LINGO2: variants seen among roughly 807,000 people sequenced by gnomAD.
LINGO2 encodes the protein leucine-rich repeat and immunoglobulin-like domain-containing nogo receptor-interacting protein 2.
Under a neutral mutation model 30.6 loss-of-function variants are expected in LINGO2, and 14 were observed. The ratio of observed to expected loss-of-function variants is 0.46; its 90% CI spans 0.30 to 0.72. The LOEUF is 0.72. LINGO2 is among the 30% of genes least tolerant of loss of function. LINGO2 has a pLI of 0.07. For synonymous variants in LINGO2, 317 were observed against 288.5 expected (o/e 1.10, Z -1.00); for missense variants, 729 against 751.7 (o/e 0.97, Z 0.35).
chr9:28,617,031 G>C (rs755555344), intron 1 of LINGO2, among the ~76,000 whole-genome samples: 11 of 152,016 alleles, frequency 7.2e-5, no homozygotes, highest in Non-Finnish European at 1.5e-4. Flanking sequence ...TGGCAACAAA[G>C]TATTTATAAA....
chr9:28,737,516 T>C, the LINGO2 span, among the ~76,000 whole-genome samples: 1 of 152,254 alleles, frequency 6.6e-6, no homozygotes, highest in East Asian at 1.9e-4. Flanking sequence ...GATGAAGAAA[T>C]TGACATACAG....
the LINGO2 span, among the ~76,000 whole-genome samples, chr9:29,121,808 T>A: frequency 6.6e-6 from 1 of 152,044 alleles, no homozygotes; most frequent in Non-Finnish European, 1.5e-5. Context: ...TGATCCTTGA[T>A]TTTATGTGTG....
the LINGO2 span, among the ~76,000 whole-genome samples, chr9:28,898,913 G>A: frequency 6.6e-6 from 1 of 151,802 alleles, no homozygotes; most frequent in Non-Finnish European, 1.5e-5. Context: ...ATGTATCCCT[G>A]AACCTAAAAT....
intron 2 of LINGO2, among the ~76,000 whole-genome samples, chr9:28,465,611 TATCAATATCA>T (rs2135143048): frequency 6.6e-6 from 1 of 152,222 alleles, no homozygotes; most frequent in South Asian, 2.1e-4. Context: ...TTCCTGTTCA[TATCAATATCA>T]AGTTAAAAAG....
the LINGO2 span, among the ~76,000 whole-genome samples, chr9:28,809,253 GA>G: frequency 2.0e-5 from 3 of 152,202 alleles, no homozygotes; most frequent in African/African-American, 7.2e-5. Context: ...TTATGCCACT[GA>G]TAGAAGGAAC....
intron 1 of LINGO2, among the ~76,000 whole-genome samples, chr9:28,570,335 T>A (rs1823622849): frequency 6.6e-6 from 1 of 151,902 alleles, no homozygotes; most frequent in Non-Finnish European, 1.5e-5. Flanking sequence ...CTCAAATATA[T>A]TAATAAAGAA....
chr9:28,055,863 G>A (rs987293449), intron 4 of LINGO2, among the ~76,000 whole-genome samples: 1 of 152,060 alleles, frequency 6.6e-6, no homozygotes, highest in African/African-American at 2.4e-5. Flanking sequence ...CTTTGGTTTC[G>A]AAGGAGGCAT....
intron 1 of LINGO2, among the ~76,000 whole-genome samples, chr9:28,477,419 AC>A (rs1385461789): frequency 2.0e-5 from 3 of 152,142 alleles, no homozygotes; most frequent in Non-Finnish European, 4.4e-5. Flanking sequence ...TAGGATTTGA[AC>A]TTTTTCAGAA....
intron 1 of LINGO2, among the ~76,000 whole-genome samples, chr9:28,482,739 T>C (rs937763618): frequency 3.9e-5 from 6 of 152,212 alleles, no homozygotes; most frequent in South Asian, 2.1e-4. Flanking sequence ...AAACAAGCAA[T>C]GGGGAAAGGG....
intron 1 of LINGO2, among the ~76,000 whole-genome samples, chr9:28,568,480 A>G (rs1452502716): frequency 1.3e-5 from 2 of 152,082 alleles, no homozygotes; most frequent in African/African-American, 4.8e-5. Flanking sequence ...AACCTAAAAG[A>G]AAGAAACATT....
chr9:28,111,905 T>C (rs911779606), intron 4 of LINGO2, among the ~76,000 whole-genome samples: 1 of 151,888 alleles, frequency 6.6e-6, no homozygotes. Context: ...GTTTATTTAT[T>C]TATTTATTTA....
chr9:29,111,937 A>AC, the LINGO2 span, among the ~76,000 whole-genome samples: 103 of 148,594 alleles, frequency 6.9e-4, no homozygotes, highest in Middle Eastern at 3.6e-3. Flanking sequence ...GTGTATATAT[A>AC]ATGTATTTAA....
the LINGO2 span, among the ~76,000 whole-genome samples, chr9:28,876,120 T>C: frequency 6.6e-6 from 1 of 152,150 alleles, no homozygotes; most frequent in East Asian, 1.9e-4. Context: ...GTCAGTGGCA[T>C]TGCTACTCTT....
At chr9:28,252,895 A>G (rs1822255069) in intron 4 of LINGO2, among the ~76,000 whole-genome samples, 1 of 152,018 alleles carries the variant, frequency 6.6e-6, no homozygotes, top group African/African-American at 2.4e-5. Flanking sequence ...TTGGCCATTA[A>G]TTTACAGAGT....
the LINGO2 span, among the ~76,000 whole-genome samples, chr9:28,848,260 A>ATGC: frequency 0.01 from 971 of 95,952 alleles, 47 homozygotes; most frequent in African/African-American, 0.052. Flanking sequence ...ACGCATATAT[A>ATGC]GTGTATATAT....
intron 4 of LINGO2, among the ~76,000 whole-genome samples, chr9:28,253,920 T>C (rs1333386537): frequency 6.6e-6 from 1 of 152,126 alleles, no homozygotes; most frequent in Non-Finnish European, 1.5e-5. Flanking sequence ...AGCCTGGCCC[T>C]TCCTCTTCCT....
chr9:28,896,803 A>T, the LINGO2 span, among the ~76,000 whole-genome samples: 1 of 152,124 alleles, frequency 6.6e-6, no homozygotes, highest in Non-Finnish European at 1.5e-5. Flanking sequence ...TAGGGATTTA[A>T]GCAATGCCAT....
the LINGO2 span, among the ~76,000 whole-genome samples, chr9:29,121,820 T>G: frequency 6.6e-6 from 1 of 152,102 alleles, no homozygotes; most frequent in Non-Finnish European, 1.5e-5. Context: ...TTATGTGTGA[T>G]TAATTTTTCC....
chr9:28,744,676 G>T, the LINGO2 span, among the ~76,000 whole-genome samples: 2 of 131,478 alleles, frequency 1.5e-5, no homozygotes, highest in African/African-American at 5.7e-5. Flanking sequence ...TCTCACTGTC[G>T]CTGAGGCTGG....
Sources: allele counts gnomAD v4.1 joint callset (sites outside exome capture counted in the v4.1 genomes callset), GRCh38; gene constraint gnomAD v4.1.1; transcripts MANE v1.5; gene names NCBI Gene and HGNC (gene_info 2026-07-23, HGNC 2026-07-21).